The following SLC22A24 variants were observed in gnomAD, a reference collection of about 807,000 sequenced individuals.
The protein encoded by SLC22A24 is steroid transmembrane transporter SLC22A24.
In SLC22A24, 53 loss-of-function variants were observed where a neutral mutation model predicts 49.8. The ratio of observed to expected loss-of-function variants is 1.06; its 90% CI spans 0.85 to 1.34. The LOEUF (loss-of-function observed/expected upper bound fraction) is 1.34, where lower values mean the gene tolerates loss of function less well. SLC22A24 is among the 40% of genes most tolerant of loss of function. SLC22A24 has a pLI of 0.00. For synonymous variants in SLC22A24, 302 were observed against 256.4 expected, an observed-to-expected ratio of 1.18 and a Z score of -1.70; for missense variants, 786 against 675.9, an observed-to-expected ratio of 1.16 and a Z score of -1.81.
chr11:63,118,594 C>T, intron 4 of SLC22A24: 2 of 528,506 alleles, frequency 3.8e-6, no homozygotes, highest in South Asian at 3.0e-5. Context: ...CAAAAGCCCC[C>T]AAATTATCTC....
intron 1 of SLC22A24, among the ~76,000 whole-genome samples, chr11:63,140,170 C>T (rs1285925855): frequency 2.7e-5 from 4 of 150,120 alleles, no homozygotes; most frequent in Non-Finnish European, 5.9e-5. Flanking sequence ...CAACTGCTGC[C>T]TCCTGGATTC....
At chr11:63,131,102 C>CT (rs899341131) in intron 2 of SLC22A24, among the ~76,000 whole-genome samples, 4 of 151,594 alleles carry the variant, frequency 2.6e-5, no homozygotes, top group Admixed American at 1.3e-4. Flanking sequence ...GCAACCCCTG[C>CT]TTTTTTTTGC....
intron 1 of SLC22A24, among the ~76,000 whole-genome samples, chr11:63,142,018 A>G (rs565001664): frequency 6.6e-6 from 1 of 152,160 alleles, no homozygotes; most frequent in Non-Finnish European, 1.5e-5. Flanking sequence ...CCCCAGACAA[A>G]TGCTTTCCAA....
intron 6 of SLC22A24, among the ~76,000 whole-genome samples, chr11:63,094,825 GTTGT>G (rs1159364165): frequency 1.3e-5 from 2 of 152,184 alleles, no homozygotes; most frequent in African/African-American, 2.4e-5. Flanking sequence ...TTTTAATGGG[GTTGT>G]TTGTTTTTTT....
chr11:63,136,022 T>C (rs925209121), intron 1 of SLC22A24, among the ~76,000 whole-genome samples: 1 of 152,172 alleles, frequency 6.6e-6, no homozygotes, highest in Non-Finnish European at 1.5e-5. Flanking sequence ...TGGGACAAAT[T>C]GGAAAGGTGA....
At chr11:63,082,400 C>G (rs1337591715) in intron 7 of SLC22A24, among the ~76,000 whole-genome samples, 2 of 152,150 alleles carry the variant, frequency 1.3e-5, no homozygotes, top group Non-Finnish European at 2.9e-5. Flanking sequence ...GTGGAGAAGG[C>G]TCTCCTATAA....
At chr11:63,128,356 G>C (rs180971789) in intron 2 of SLC22A24, among the ~76,000 whole-genome samples, 1 of 152,156 alleles carries the variant, frequency 6.6e-6, no homozygotes, top group East Asian at 2.0e-4. Context: ...TGGTCTAGTC[G>C]TAGCGTCAGT....
At chr11:63,104,145 C>A (rs1461303179) in intron 5 of SLC22A24, 30 bp downstream of exon 5, 2 of 1,545,514 alleles carry the variant, frequency 1.3e-6, no homozygotes, top group Non-Finnish European at 1.7e-6. Context: ...TTCATTTAAT[C>A]ACAGCAATCA....
chr11:63,121,337 C>G (rs925694172), intron 2 of SLC22A24, among the ~76,000 whole-genome samples: 4 of 151,924 alleles, frequency 2.6e-5, no homozygotes, highest in Admixed American at 2.0e-4. Flanking sequence ...AGTAAAGAAA[C>G]ACATATCGAG....
chr11:63,121,132 C>A (rs1332332575), intron 2 of SLC22A24, among the ~76,000 whole-genome samples: 1 of 152,026 alleles, frequency 6.6e-6, no homozygotes, highest in Non-Finnish European at 1.5e-5. Flanking sequence ...CTAAGATAAA[C>A]TATGAACTTT....
chr11:63,086,360 G>C (rs970111638), intron 6 of SLC22A24, among the ~76,000 whole-genome samples: 9 of 152,246 alleles, frequency 5.9e-5, no homozygotes, highest in Non-Finnish European at 1.3e-4. Context: ...CAGCCATAAA[G>C]AGGAACAAGA....
chr11:63,122,288 T>C (rs566845492), intron 2 of SLC22A24, among the ~76,000 whole-genome samples: 1 of 152,164 alleles, frequency 6.6e-6, no homozygotes, highest in African/African-American at 2.4e-5. Context: ...TCATAGAAAT[T>C]AAAGACCTGC....
intron 4 of SLC22A24, among the ~76,000 whole-genome samples, chr11:63,114,631 G>T (rs1020212945): frequency 1.3e-5 from 2 of 152,198 alleles, no homozygotes; most frequent in East Asian, 3.9e-4. Flanking sequence ...TGGAGGAGAA[G>T]AGGCACTCTG....
intron 7 of SLC22A24, among the ~76,000 whole-genome samples, chr11:63,082,422 T>TA (rs1429034679): frequency 6.6e-6 from 1 of 152,184 alleles, no homozygotes; most frequent in Non-Finnish European, 1.5e-5. Context: ...GCAGAAAACT[T>TA]ACACCAGCAG....
At chr11:63,102,012 G>T (rs991257352) in intron 5 of SLC22A24, among the ~76,000 whole-genome samples, 1 of 152,048 alleles carries the variant, frequency 6.6e-6, no homozygotes, top group Non-Finnish European at 1.5e-5. Context: ...ATTGAATAAG[G>T]TCAAGTGTTT....
intron 1 of SLC22A24, among the ~76,000 whole-genome samples, chr11:63,139,737 G>A (rs749954929): frequency 6.6e-6 from 1 of 152,136 alleles, no homozygotes; most frequent in Non-Finnish European, 1.5e-5. Context: ...GTATAAAATG[G>A]CACCCCTAAT....
chr11:63,108,028 G>T lies in SLC22A24; in HGVS notation c.831-3730C>A, dbSNP rs2087133562. Among the ~76,000 whole-genome samples, 4 of 152,112 alleles carry T rather than the reference G, an allele frequency of 2.6e-5. 1 individual carries two copies. In the South Asian group the frequency reaches 8.3e-4, roughly 32 times the overall value. ...TCTTGTGCCAGTTTTCAAAGGGAAT[G>T]CTTCCAGTTTTTGCCCATTCAGTAT... On this transcript the variant is annotated intron_variant, in intron 4 of 9. Coordinates refer to ENST00000612278, the MANE Select transcript of SLC22A24 (RefSeq NM_001136506.2).
At chr11:63,122,762 C>T (rs1204206043) in intron 2 of SLC22A24, among the ~76,000 whole-genome samples, 2 of 152,084 alleles carry the variant, frequency 1.3e-5, no homozygotes, top group African/African-American at 2.4e-5. Flanking sequence ...CTTCGTGATC[C>T]GCTAGCCTCG....
intron 2 of SLC22A24, among the ~76,000 whole-genome samples, chr11:63,124,516 G>C (rs971916929): frequency 6.6e-6 from 1 of 152,184 alleles, no homozygotes; most frequent in Non-Finnish European, 1.5e-5. Context: ...ATAGGAGGTT[G>C]AACTTGATAA....
Sources: allele counts gnomAD v4.1 joint callset (sites outside exome capture counted in the v4.1 genomes callset), GRCh38; gene constraint gnomAD v4.1.1; transcripts MANE v1.5; gene names NCBI Gene and HGNC (gene_info 2026-07-23, HGNC 2026-07-21).